Variants in POLE2 observed in about 807,000 individuals in gnomAD.
POLE2 encodes DNA polymerase epsilon subunit 2.
POLE2 carries 56 observed loss-of-function variants against 79.4 expected under a neutral mutation model. The ratio of observed to expected loss-of-function variants is 0.71; its 90% confidence interval spans 0.57 to 0.88. The LOEUF is 0.88. POLE2 is among the 40% of genes least tolerant of loss of function. The pLI is 0.00. For synonymous variants in POLE2, 212 were observed against 214.0 expected, an observed-to-expected ratio of 0.99 and a Z score of 0.08; for missense variants, 598 against 638.9, an observed-to-expected ratio of 0.94 and a Z score of 0.69.
intron 2 of POLE2, among the ~76,000 whole-genome samples, chr14:49,682,137 T>A (rs1200887171): frequency 6.6e-6 from 1 of 151,112 alleles, no homozygotes; most frequent in Admixed American, 6.6e-5. Flanking sequence ...CCCAAGGAGC[T>A]GGGATTACAG....
chr14:49,663,332 C>T lies in POLE2; in HGVS notation c.738G>A (p.Glu246=), dbSNP rs747389165. Residue 246 remains glutamate, a synonymous_variant, in exon 10 of 19, where the codon GAG becomes GAA. Coordinates refer to ENST00000216367, the MANE Select transcript of POLE2 (RefSeq NM_002692.4). The stretch of plus-strand genomic sequence containing the variant: ...TTTAATACCTAGTAGTACTAGAGGG[C>T]TCAGTGGGTGGAAATCCAAAGGCAT... ...HVNAFGFPPT[E]PSSTTRAYYG... The T allele has an allele frequency of 2.5e-6, 4 of 1,603,980 alleles. No homozygotes were observed. The highest frequency in any genetic ancestry group is 3.4e-5 in the Admixed American group (2 of 59,626).
At chr14:49,663,150 C>A (rs945070634) in intron 10 of POLE2, among the ~76,000 whole-genome samples, 165 bp downstream of exon 10, 5 of 152,206 alleles carry the variant, frequency 3.3e-5, no homozygotes, top group Admixed American at 2.6e-4. Context: ...CTAGTTTTCA[C>A]ATTACATACA....
chr14:49,681,315 G>A, intron 2 of POLE2: 1 of 216,608 alleles, frequency 4.6e-6, no homozygotes, highest in South Asian at 8.5e-5. Flanking sequence ...TTTACTGACA[G>A]GTTGAATAGA....
intron 2 of POLE2, chr14:49,681,705 CA>C (rs1292034595): frequency 6.6e-6 from 1 of 151,900 alleles, no homozygotes; most frequent in Non-Finnish European, 1.5e-5. Flanking sequence ...ACCCGGGAGG[CA>C]GAGGCTGCAG....
At chr14:49,658,958 G>A (rs1191364804) in intron 10 of POLE2, among the ~76,000 whole-genome samples, 1 of 151,918 alleles carries the variant, frequency 6.6e-6, no homozygotes, top group African/African-American at 2.4e-5. Context: ...CAAGAAGAAC[G>A]CATTGTTACT....
chr14:49,649,510 C>T (rs945976161), intron 17 of POLE2, among the ~76,000 whole-genome samples: 2 of 151,074 alleles, frequency 1.3e-5, no homozygotes, highest in Admixed American at 6.6e-5. Flanking sequence ...AGTGCAATGG[C>T]GTGATCTCCG....
chr14:49,667,994 G>A (rs541093599), intron 6 of POLE2, among the ~76,000 whole-genome samples: 59 of 152,284 alleles, frequency 3.9e-4, no homozygotes, highest in African/African-American at 1.3e-3. Flanking sequence ...ACCAAGGACT[G>A]GGCGTGGTGG....
chr14:49,665,830 A>C (rs1280465537), intron 7 of POLE2, among the ~76,000 whole-genome samples: 1 of 151,778 alleles, frequency 6.6e-6, no homozygotes, highest in Non-Finnish European at 1.5e-5. Flanking sequence ...TATTTTATTT[A>C]TTTATTTATT....
chr14:49,679,321 C>T (rs1305347935), intron 3 of POLE2, among the ~76,000 whole-genome samples: 1 of 152,148 alleles, frequency 6.6e-6, no homozygotes, highest in Non-Finnish European at 1.5e-5. Flanking sequence ...TGAGGTCCTA[C>T]CCTCATTTGC....
chr14:49,672,718 C>T (rs760298990), intron 5 of POLE2, among the ~76,000 whole-genome samples: 11 of 152,064 alleles, frequency 7.2e-5, no homozygotes, highest in Non-Finnish European at 1.5e-5. Context: ...AGGCTGGTCT[C>T]GAAATCCCGA....
At chr14:49,685,649 C>T (rs554058915) in intron 1 of POLE2, among the ~76,000 whole-genome samples, 2 of 151,878 alleles carry the variant, frequency 1.3e-5, no homozygotes, top group African/African-American at 2.4e-5. Flanking sequence ...GATGGAGTCT[C>T]GCTCTCTTAC....
chr14:49,686,343 CTT>C (rs1354637887), intron 1 of POLE2, among the ~76,000 whole-genome samples: 4 of 152,200 alleles, frequency 2.6e-5, no homozygotes, highest in Non-Finnish European at 4.4e-5. Context: ...GACTCTCTCT[CTT>C]GATGAAGCCA....
At chr14:49,684,956 A>G (rs1043158121) in intron 1 of POLE2, among the ~76,000 whole-genome samples, 1 of 152,156 alleles carries the variant, frequency 6.6e-6, no homozygotes, top group African/African-American at 2.4e-5. Context: ...CAGCCTGGGC[A>G]ACAGAGAAAC....
At chr14:49,664,297 C>T (rs903188637) in intron 9 of POLE2, among the ~76,000 whole-genome samples, 4 of 148,370 alleles carry the variant, frequency 2.7e-5, no homozygotes, top group Non-Finnish European at 4.4e-5. Flanking sequence ...TGCAGTGAGC[C>T]GAGATCGCGC....
In POLE2 at chr14:49,650,430, A is replaced by G; in HGVS notation, c.1332T>C (p.Thr444=). 1 of 1,488,080 alleles carries G rather than the reference A, an allele frequency of 6.7e-7. No individual in the cohort carries two copies. Among genetic ancestry groups the G allele is most frequent in the South Asian group, 1.4e-5 (1 of 70,128 alleles). The allele number at this position is 1,488,080 out of a possible 1,614,324, so 92.2% of individuals were successfully genotyped here. The change falls in exon 17 of 19, where the codon ACT becomes ACC. Residue 444 remains threonine, a synonymous_variant. Coordinates refer to ENST00000216367, the MANE Select transcript of POLE2 (RefSeq NM_002692.4). ...GAGTCAGATGTCCTTGGGATAAGAT[A>G]GTCTTTACAAACTACAAAAGAGCAC... is the stretch of plus-strand genomic sequence containing the variant. The part of the protein sequence containing the change: ...NLAIPNHFVK[T]ILSQGHLTPL...
At chr14:49,647,419 T>C (rs1164180173) in intron 17 of POLE2, 59 bp from the exon 18 acceptor site, 5 of 705,644 alleles carry the variant, frequency 7.1e-6, no homozygotes, top group Non-Finnish European at 9.1e-6. Context: ...AAATAAATTT[T>C]TTTAAACACA....
intron 15 of POLE2, among the ~76,000 whole-genome samples, chr14:49,651,821 C>A (rs1178516726): frequency 6.6e-6 from 1 of 152,034 alleles, no homozygotes; most frequent in East Asian, 1.9e-4. Flanking sequence ...TGAGCACAGG[C>A]TTGAAGCGGA....
chr14:49,654,149 A>G lies in POLE2; in HGVS notation c.1133+6T>C, dbSNP rs746037951. The G allele has an allele frequency of 6.2e-7, 1 of 1,608,786 alleles. No homozygotes were observed. The highest frequency in any genetic ancestry group is 1.1e-5 in the South Asian group (1 of 90,420). ...ACACTGTTGCAAAAATCTGAACAAA[A>G]CTTACCTTGGTAAGATGGAACCAAA... On this transcript the variant is annotated splice_donor_region_variant and intron_variant, in intron 14 of 18. Coordinates refer to ENST00000216367, the MANE Select transcript of POLE2 (RefSeq NM_002692.4).
chr14:49,649,607 G>A (rs969820817), intron 17 of POLE2, among the ~76,000 whole-genome samples: 14 of 151,414 alleles, frequency 9.2e-5, no homozygotes, highest in Non-Finnish European at 1.8e-4. Flanking sequence ...GCACCACCAC[G>A]CCCAGCTAAT....
Sources: gnomAD v4.1 joint callset for allele counts (sites outside exome capture counted in the v4.1 genomes callset) on GRCh38, gnomAD v4.1.1 for gene constraint, MANE v1.5 for transcripts, NCBI Gene and HGNC (gene_info 2026-07-23, HGNC 2026-07-21) for gene names.